Variants in GALNTL6 observed in about 807,000 individuals in gnomAD.
The protein encoded by GALNTL6 is polypeptide N-acetylgalactosaminyltransferase-like 6.
GALNTL6 carries 46 observed loss-of-function variants against 73.7 expected under a neutral mutation model. That is an observed-to-expected ratio of 0.62 (90% CI 0.49 to 0.80). The LOEUF (loss-of-function observed/expected upper bound fraction) is 0.80, where lower values mean the gene tolerates loss of function less well. GALNTL6 is among the 30% of genes least tolerant of loss of function. GALNTL6 has a pLI of 0.00. For synonymous variants in GALNTL6, 259 were observed against 263.7 expected (o/e 0.98, Z 0.17); for missense variants, 604 against 755.0 (o/e 0.80, Z 2.34).
intron 2 of GALNTL6, among the ~76,000 whole-genome samples, chr4:172,214,802 C>T (rs1216741872): frequency 2.6e-5 from 4 of 152,016 alleles, no homozygotes; most frequent in Admixed American, 2.0e-4. Flanking sequence ...TGTGAGGCAC[C>T]GTGCCCGGCC....
intron 3 of GALNTL6, among the ~76,000 whole-genome samples, chr4:172,254,068 TAATC>T: frequency 6.6e-6 from 1 of 151,948 alleles, no homozygotes; most frequent in Admixed American, 6.6e-5. Flanking sequence ...AAATACAGGT[TAATC>T]GAAGAATCTT....
At chr4:172,282,124 A>G (rs59825148) in intron 3 of GALNTL6, among the ~76,000 whole-genome samples, 2,424 of 152,294 alleles carry the variant, frequency 0.016, 62 homozygotes, top group African/African-American at 0.054. Flanking sequence ...ATACTAACTA[A>G]ATACAACTGA....
At chr4:172,679,520 G>A (rs759298139) in intron 5 of GALNTL6, among the ~76,000 whole-genome samples, 2 of 151,908 alleles carry the variant, frequency 1.3e-5, no homozygotes, top group African/African-American at 2.4e-5. Context: ...TGACAGAGTG[G>A]GCCTATTGCT....
intron 8 of GALNTL6, among the ~76,000 whole-genome samples, chr4:172,895,117 T>G (rs778031481): frequency 6.6e-6 from 1 of 151,676 alleles, no homozygotes; most frequent in African/African-American, 2.4e-5. Flanking sequence ...AGGCAGCATA[T>G]AGTTAGGTCT....
chr4:172,205,201 T>C (rs1249733399), intron 2 of GALNTL6, among the ~76,000 whole-genome samples: 3 of 152,184 alleles, frequency 2.0e-5, no homozygotes, highest in Non-Finnish European at 2.9e-5. Context: ...GGATAAAACA[T>C]CTGAAAAGTT....
intron 10 of GALNTL6, among the ~76,000 whole-genome samples, chr4:172,955,867 G>A (rs1749722166): frequency 6.6e-6 from 1 of 152,054 alleles, no homozygotes; most frequent in African/African-American, 2.4e-5. Flanking sequence ...AAGGTGCTCA[G>A]TGGGGGATCT....
At chr4:172,460,077 C>T (rs1036090118) in intron 5 of GALNTL6, among the ~76,000 whole-genome samples, 5 of 152,138 alleles carry the variant, frequency 3.3e-5, no homozygotes, top group African/African-American at 9.7e-5. Context: ...ACATCTACAA[C>T]CATCTGATCT....
At chr4:172,049,768 G>C (rs142358691) in intron 2 of GALNTL6, among the ~76,000 whole-genome samples, 1 of 152,120 alleles carries the variant, frequency 6.6e-6, no homozygotes, top group Non-Finnish European at 1.5e-5. Context: ...TGGATCACCT[G>C]AGGTCAGGAG....
intron 7 of GALNTL6, among the ~76,000 whole-genome samples, chr4:172,841,766 C>T (rs967287493): frequency 3.9e-5 from 6 of 152,308 alleles, no homozygotes; most frequent in Admixed American, 6.5e-5. Flanking sequence ...CTCCCCTCTA[C>T]GTGTGCGGAT....
intron 2 of GALNTL6, among the ~76,000 whole-genome samples, chr4:171,864,001 A>T (rs1398102530): frequency 1.3e-5 from 2 of 152,004 alleles, no homozygotes; most frequent in Non-Finnish European, 2.9e-5. Flanking sequence ...CCCTCAGGTG[A>T]TCCACCTGCC....
At chr4:172,432,470 A>C (rs1316672427) in intron 5 of GALNTL6, among the ~76,000 whole-genome samples, 1 of 152,074 alleles carries the variant, frequency 6.6e-6, no homozygotes, top group Non-Finnish European at 1.5e-5. Context: ...CCCTCTGATC[A>C]CATTGAGCAC....
At chr4:172,837,775 A>G (rs947761798) in intron 7 of GALNTL6, among the ~76,000 whole-genome samples, 2 of 152,250 alleles carry the variant, frequency 1.3e-5, no homozygotes. Flanking sequence ...CCAGAGAAAT[A>G]TAGATGAGGA....
intron 2 of GALNTL6, among the ~76,000 whole-genome samples, chr4:171,952,659 GATA>G (rs1738919897): frequency 6.6e-6 from 1 of 151,978 alleles, no homozygotes; most frequent in African/African-American, 2.4e-5. Context: ...AATCTCTTAT[GATA>G]ATAGCTTTTA....
intron 3 of GALNTL6, among the ~76,000 whole-genome samples, chr4:172,302,439 A>G (rs1244518062): frequency 6.6e-6 from 1 of 152,132 alleles, no homozygotes; most frequent in Non-Finnish European, 1.5e-5. Context: ...AAATGCAGAA[A>G]TCATTCGTCT....
In GALNTL6 at chr4:171,865,590, T is replaced by A. The variant is rs10050270; in HGVS notation, c.138+50872T>A. ...CAGATAGTTTAGAGAATGTTTTGTA[T>A]TTCAAGGAAAAAAGTTTTTCTAAAT... On this transcript the variant is annotated intron_variant, in intron 2 of 12. Coordinates refer to ENST00000506823, the MANE Select transcript of GALNTL6 (RefSeq NM_001034845.3). Among the ~76,000 whole-genome samples the A allele has an allele frequency of 2.7e-4, 41 of 152,146 alleles. No homozygotes were observed. The South Asian group carries it at 8.5e-3, about 32-fold the overall frequency.
At chr4:172,351,172 C>T (rs917401669) in intron 5 of GALNTL6, among the ~76,000 whole-genome samples, 1 of 94,424 alleles carries the variant, frequency 1.1e-5, no homozygotes, top group Non-Finnish European at 2.1e-5. Flanking sequence ...ATGTGATCCA[C>T]AATAATCTGT....
chr4:172,341,446 G>C (rs1022998452), intron 4 of GALNTL6, among the ~76,000 whole-genome samples: 3 of 55,062 alleles, frequency 5.4e-5, no homozygotes, highest in Admixed American at 2.7e-4. Context: ...GCGAGACTCC[G>C]TCTCAAAAAA....
Position 172,079,075 on chromosome 4 carries a change from A to G in GALNTL6, c.139-150581A>G, listed in dbSNP as rs550843519. 2.0e-5 allele frequency among the ~76,000 whole-genome samples: 3 copies of G among 152,182 alleles called. No homozygotes were observed. In the East Asian group the frequency reaches 5.8e-4, roughly 29 times the overall value. On this transcript the variant is annotated intron_variant, in intron 2 of 12. Coordinates refer to ENST00000506823, the MANE Select transcript of GALNTL6 (RefSeq NM_001034845.3). ...GCCATACATACTCAAATATGTATCT[A>G]TATTTATGTTTTTATCCATATCAAA...
chr4:172,411,843 G>A (rs1744448943), intron 5 of GALNTL6, among the ~76,000 whole-genome samples: 1 of 151,946 alleles, frequency 6.6e-6, no homozygotes, highest in South Asian at 2.1e-4. Context: ...ATAGGCCCTG[G>A]GGATAAAATA....
Sources: allele counts gnomAD v4.1 joint callset (sites outside exome capture counted in the v4.1 genomes callset), GRCh38; gene constraint gnomAD v4.1.1; transcripts MANE v1.5; gene names NCBI Gene and HGNC (gene_info 2026-07-23, HGNC 2026-07-21).